SETBP1: variants seen among roughly 807,000 people sequenced by gnomAD.
SETBP1 encodes the protein SET binding protein 1, also known as SET-binding protein.
SETBP1 carries 9 observed loss-of-function variants against 101.0 expected under a neutral mutation model. The ratio of observed to expected loss-of-function variants is 0.09; its 90% CI spans 0.05 to 0.16. SETBP1 has a LOEUF of 0.16. SETBP1 is among the 10% of genes least tolerant of loss of function. The pLI, the probability that SETBP1 is intolerant of heterozygous loss-of-function variation, is 1.00. For missense variants in SETBP1, 1,858 were observed against 2,033.8 expected, an observed-to-expected ratio of 0.91 and a Z score of 1.66; for synonymous variants, 818 against 788.5, an observed-to-expected ratio of 1.04 and a Z score of -0.63.
intron 3 of SETBP1, among the ~76,000 whole-genome samples, chr18:44,941,448 G>T (rs929576517): frequency 6.6e-6 from 1 of 151,740 alleles, no homozygotes; most frequent in African/African-American, 2.4e-5. Flanking sequence ...CTTTATTTTT[G>T]GTTTTGATCA....
In SETBP1 at chr18:44,947,492, C is replaced by CTT. The variant is rs58509226; in HGVS notation, c.541-2367_541-2366dup. Among the ~76,000 whole-genome samples, 975 of 114,008 alleles carry CTT rather than the reference C, an allele frequency of 8.6e-3. 6 individuals carry two copies. The highest frequency in any genetic ancestry group is 0.012 in the Non-Finnish European group (692 of 56,800). 74.8% of individuals were successfully genotyped at this position (114,008 alleles called of 152,430 possible). ...CAAAAGAATCACACCGTTTGTCCCACTTTTTTTTTTTTTTTTTTTTTTTGA... is the reference window on the plus strand; with the variant it reads ...CAAAAGAATCACACCGTTTGTCCCACTTTTTTTTTTTTTTTTTTTTTTTTTGA... On this transcript the variant is annotated intron_variant, in intron 3 of 5. Coordinates refer to ENST00000649279, the MANE Select transcript of SETBP1 (RefSeq NM_015559.3).
intron 4 of SETBP1, among the ~76,000 whole-genome samples, chr18:45,030,474 T>G (rs568731378): frequency 7.4e-6 from 1 of 134,790 alleles, no homozygotes; most frequent in East Asian, 2.1e-4. Flanking sequence ...AAAATTCTCT[T>G]TTTTGGTTGT....
At chr18:44,721,926 A>G (rs2069606410) in intron 2 of SETBP1, among the ~76,000 whole-genome samples, 1 of 151,812 alleles carries the variant, frequency 6.6e-6, no homozygotes, top group African/African-American at 2.4e-5. Flanking sequence ...TTGTTTGTTC[A>G]GGCTCCCCAC....
chr18:44,894,081 C>G (rs1435510962), intron 3 of SETBP1, among the ~76,000 whole-genome samples: 1 of 152,116 alleles, frequency 6.6e-6, no homozygotes, highest in Admixed American at 6.6e-5. Flanking sequence ...AAAGAGATGA[C>G]TGAGGGCTGA....
At chr18:44,738,500 G>A (rs1021118602) in intron 2 of SETBP1, among the ~76,000 whole-genome samples, 20 of 152,244 alleles carry the variant, frequency 1.3e-4, no homozygotes, top group East Asian at 5.8e-4. Context: ...AAGATTGAGC[G>A]CTGTGGCTCA....
chr18:45,012,388 A>G (rs2072857428), intron 4 of SETBP1, among the ~76,000 whole-genome samples: 1 of 151,974 alleles, frequency 6.6e-6, no homozygotes, highest in African/African-American at 2.4e-5. Flanking sequence ...GGGTGTAGAG[A>G]TTGCCCCCAG....
At chr18:44,941,519 G>C (rs573598067) in intron 3 of SETBP1, among the ~76,000 whole-genome samples, 9 of 152,078 alleles carry the variant, frequency 5.9e-5, no homozygotes, top group Admixed American at 4.6e-4. Context: ...CTTGGGATTC[G>C]TTGAGCTTCT....
chr18:44,910,433 T>C (rs2070279947), intron 3 of SETBP1, among the ~76,000 whole-genome samples: 1 of 152,186 alleles, frequency 6.6e-6, no homozygotes, highest in African/African-American at 2.4e-5. Flanking sequence ...ATGTCTTTGA[T>C]GGAGTCAGGA....
rs2070323596 is a variant in SETBP1, at chr18:44,912,115, A to G, written c.541-37766A>G. Among the ~76,000 whole-genome samples the G allele has an allele frequency of 2.0e-5, 3 of 152,180 alleles. No individual in the cohort carries two copies. In the South Asian group the frequency reaches 6.2e-4, roughly 31 times the overall value. ...GGCATTGAACTTTCCTTTTAAGTGTAGCTCAGGTTTATTATAAGAGTCTTT... is the reference window on the plus strand; with the variant it reads ...GGCATTGAACTTTCCTTTTAAGTGTGGCTCAGGTTTATTATAAGAGTCTTT... On this transcript the variant is annotated intron_variant, in intron 3 of 5. Coordinates refer to ENST00000649279, the MANE Select transcript of SETBP1 (RefSeq NM_015559.3).
intron 4 of SETBP1, among the ~76,000 whole-genome samples, chr18:45,024,572 A>G (rs557743276): frequency 6.6e-6 from 1 of 152,098 alleles, no homozygotes; most frequent in Non-Finnish European, 1.5e-5. Context: ...TGGATGACCT[A>G]AAGACCTTCT....
intron 4 of SETBP1, among the ~76,000 whole-genome samples, chr18:45,030,526 A>G (rs1396388296): frequency 6.9e-6 from 1 of 144,748 alleles, no homozygotes; most frequent in Non-Finnish European, 1.5e-5. Context: ...CTGGCCTCTT[A>G]AAATGAGTTA....
chr18:44,942,923 A>G (rs1411843372), intron 3 of SETBP1, among the ~76,000 whole-genome samples: 1 of 152,150 alleles, frequency 6.6e-6, no homozygotes, highest in Non-Finnish European at 1.5e-5. Flanking sequence ...AATAACATCC[A>G]GGTGAATTCC....
chr18:44,952,901 C>T lies in SETBP1; in HGVS notation c.3561C>T (p.Ser1187=), dbSNP rs138530624. The T allele has an allele frequency of 1.1e-4, 181 of 1,614,162 alleles. No individual in the cohort carries two copies. The highest frequency in any genetic ancestry group is 1.7e-4 in the Admixed American group (10 of 60,026). Residue 1187 remains serine, a synonymous_variant, in exon 4 of 6, where the codon AGC becomes AGT. Coordinates refer to ENST00000649279, the MANE Select transcript of SETBP1 (RefSeq NM_015559.3). ...KATGFSSHIL[S]ERLSSADKEL... is the part of the protein sequence containing the mutation. ...CAGGCTTCTCCAGCCACATCCTGAG[C>T]GAGCGGCTGAGTAGCGCAGACAAAG...
intron 3 of SETBP1, among the ~76,000 whole-genome samples, chr18:44,902,228 C>T (rs982029821): frequency 2.4e-5 from 1 of 41,916 alleles, no homozygotes; most frequent in Non-Finnish European, 5.1e-5. Context: ...ATATATCTCT[C>T]TCTTTCTCTC....
intron 4 of SETBP1, among the ~76,000 whole-genome samples, chr18:45,021,128 A>G (rs1166710942): frequency 6.6e-6 from 1 of 152,268 alleles, no homozygotes; most frequent in Non-Finnish European, 1.5e-5. Context: ...ACAAATAAAT[A>G]GGTAATATGA....
At chr18:44,773,820 CTCTG>C (rs1486734183) in intron 2 of SETBP1, among the ~76,000 whole-genome samples, 12 of 113,060 alleles carry the variant, frequency 1.1e-4, no homozygotes, top group African/African-American at 3.5e-4. Context: ...CTCTCTCTCT[CTCTG>C]TCTCTCTCTG....
In SETBP1 at chr18:44,943,186, C is replaced by G. The variant is rs191854019; in HGVS notation, c.541-6695C>G. On this transcript the variant is annotated intron_variant, in intron 3 of 5. Coordinates refer to ENST00000649279, the MANE Select transcript of SETBP1 (RefSeq NM_015559.3). ...AATGTGCATTCCTCCTGTTCATGAG[C>G]ATAAATGGTAATTTTTCAGTTTTGT... Among the ~76,000 whole-genome samples, 3 of 152,290 alleles carry G rather than the reference C, an allele frequency of 2.0e-5. No individual in the cohort carries two copies. In the East Asian group the frequency reaches 5.8e-4, roughly 29 times the overall value.
intron 1 of SETBP1, among the ~76,000 whole-genome samples, chr18:44,694,033 A>G (rs1331995671): frequency 1.3e-5 from 2 of 152,198 alleles, no homozygotes; most frequent in East Asian, 1.9e-4. Context: ...AGTCTTTGTC[A>G]TAGAGCATAT....
At chr18:44,906,116 T>C (rs982578812) in intron 3 of SETBP1, among the ~76,000 whole-genome samples, 1 of 152,170 alleles carries the variant, frequency 6.6e-6, no homozygotes, top group African/African-American at 2.4e-5. Flanking sequence ...CCAGGCGTTA[T>C]GTGGATAGGT....
Sources: allele counts gnomAD v4.1 joint callset (sites outside exome capture counted in the v4.1 genomes callset), GRCh38; gene constraint gnomAD v4.1.1; transcripts MANE v1.5; gene names NCBI Gene and HGNC (gene_info 2026-07-23, HGNC 2026-07-21).